The following HNRNPL variants were observed in gnomAD, a reference collection of about 807,000 sequenced individuals.
HNRNPL encodes the protein epididymis secretory sperm binding protein.
HNRNPL carries 12 observed loss-of-function variants against 64.0 expected under a neutral mutation model. The observed-to-expected ratio is 0.19, with a 90% CI of 0.12 to 0.30. The LOEUF (loss-of-function observed/expected upper bound fraction) is 0.30. Among genes scored for constraint, HNRNPL ranks in the 10% least tolerant of loss-of-function variants. HNRNPL has a pLI of 1.00. For synonymous variants in HNRNPL, 385 were observed against 313.0 expected (o/e 1.23, Z -2.43); for missense variants, 484 against 797.4 (o/e 0.61, Z 4.73).
At position 38,849,494 on chromosome 19, in the gene HNRNPL, C is replaced by G. The variant is rs1176017502; in HGVS notation, c.267+206G>C. 4.7e-6 allele frequency: 3 copies of G among 644,686 alleles called. No individual in the cohort carries two copies. The Admixed American group carries it at 1.3e-4, about 28-fold the overall frequency. 39.9% of individuals were successfully genotyped at this position (644,686 alleles called of 1,614,324 possible). A position where few individuals can be genotyped will look rare whatever the true frequency, so the allele number is the denominator to read the frequency against. ...GCTACTTCCTCTGCGCTCCCCCACA[C>G]CCCGCTCCGGACCCCGCGCACGCGC... On this transcript the variant is annotated intron_variant, in intron 1 of 12. Transcript: ENST00000221419.
intron 8 of HNRNPL, 74 bp from the exon 9 acceptor site, chr19:38,839,089 T>C: frequency 1.9e-6 from 3 of 1,581,870 alleles, no homozygotes; most frequent in Non-Finnish European, 2.6e-6. Flanking sequence ...CCCAAGTTAG[T>C]GATAATAACC....
Position 38,836,598 on chromosome 19 carries a change from TAAAAAAAAAAAAAA to T in HNRNPL, c.*110_*123del, listed in dbSNP as rs35433653. 3.8e-4 allele frequency: 52 copies of T among 136,624 alleles called. 1 individual carries two copies. The highest frequency in any genetic ancestry group is 5.1e-4 in the Non-Finnish European group (39 of 76,656). 8.5% of individuals were successfully genotyped at this position (136,624 alleles called of 1,614,324 possible). ...AGTAAGCCTCTACAAACCTAGCATT[TAAAAAAAAAAAAAA>T]AAAAAAAAAAAAGGAATACAAGATC... is the stretch of plus-strand genomic sequence containing the variant. On this transcript the variant is annotated 3_prime_UTR_variant, in exon 13 of 13. Coordinates refer to ENST00000221419, the MANE Select transcript of HNRNPL (RefSeq NM_001533.3).
chr19:38,843,779 A>G (rs1367286738), intron 6 of HNRNPL, 63 bp downstream of exon 6: 1 of 1,299,320 alleles, frequency 7.7e-7, no homozygotes, highest in East Asian at 2.3e-5. Flanking sequence ...CAGGCCTATT[A>G]AGTGCACTAG....
At chr19:38,837,741 C>A in intron 10 of HNRNPL, 90 bp from the exon 11 acceptor site, 1 of 1,131,386 alleles carries the variant, frequency 8.8e-7, no homozygotes, top group Non-Finnish European at 1.3e-6. Flanking sequence ...TGACTCAGTA[C>A]TTGAAGTTTT....
At position 38,838,698 on chromosome 19, in the gene HNRNPL, G is replaced by A. The variant is rs537391515; in HGVS notation, c.1356-100C>T. On this transcript the variant is annotated intron_variant, in intron 9 of 12. Coordinates refer to ENST00000221419, the MANE Select transcript of HNRNPL (RefSeq NM_001533.3). Reference sequence around the variant, plus strand: ...GGCTTAGCTTGCCCTGTGTGCCTTGGGGCATTGCTCTACACCTGAGGCAAG... The same window carrying A: ...GGCTTAGCTTGCCCTGTGTGCCTTGAGGCATTGCTCTACACCTGAGGCAAG... 18 of 1,366,510 alleles carry A rather than the reference G, an allele frequency of 1.3e-5. No homozygotes were observed. The African/African-American group carries it at 1.9e-4, about 14-fold the overall frequency. The allele number at this position is 1,366,510 out of a possible 1,614,324, so 84.6% of individuals were successfully genotyped here.
upstream of HNRNPL, chr19:38,851,002 AGG>A (rs1327086379): frequency 6.6e-6 from 1 of 152,398 alleles, no homozygotes; most frequent in African/African-American, 2.4e-5. Flanking sequence ...CTAAATTAAC[AGG>A]TCCCTGCCAT....
Position 38,836,721 on chromosome 19 carries a change from A to G in HNRNPL, c.*1T>C, listed in dbSNP as rs749444388. On this transcript the variant is annotated 3_prime_UTR_variant, in exon 13 of 13. Coordinates refer to ENST00000221419, the MANE Select transcript of HNRNPL (RefSeq NM_001533.3). Reference sequence around the variant, plus strand: ...AGATGGGACTCTTCCTAGGCACCTAATTAGGAGGCGTGCTGAGCAGTGGAG... The same window carrying G: ...AGATGGGACTCTTCCTAGGCACCTAGTTAGGAGGCGTGCTGAGCAGTGGAG... The G allele has an allele frequency of 6.2e-7, 1 of 1,606,548 alleles. No individual in the cohort carries two copies.
At chr19:38,841,699 TAC>T (rs777949263) in intron 6 of HNRNPL, 24 of 1,220,242 alleles carry the variant, frequency 2.0e-5, no homozygotes, top group East Asian at 5.6e-5. Flanking sequence ...CACATGGTTT[TAC>T]AGTCATAAAT....
intron 12 of HNRNPL, chr19:38,837,181 G>C (rs1971956554): frequency 3.4e-6 from 2 of 594,978 alleles, no homozygotes; most frequent in Non-Finnish European, 6.0e-6. Context: ...AGCTGGCAGA[G>C]TGAGTGGCAG....
intron 10 of HNRNPL, 84 bp from the exon 11 acceptor site, chr19:38,837,735 T>C: frequency 2.5e-6 from 3 of 1,192,014 alleles, no homozygotes; most frequent in Non-Finnish European, 3.7e-6. Context: ...CCTGCATGAC[T>C]CAGTACTTGA....
intron 1 of HNRNPL, among the ~76,000 whole-genome samples, chr19:38,849,056 G>A (rs1972404038): frequency 6.6e-6 from 1 of 152,162 alleles, no homozygotes; most frequent in Admixed American, 6.5e-5. Flanking sequence ...TCAAATCCTC[G>A]GTACCCAGTG....
intron 6 of HNRNPL, chr19:38,841,630 G>C: frequency 7.8e-7 from 1 of 1,281,066 alleles, no homozygotes; most frequent in East Asian, 5.6e-5. Context: ...CGCTTCAACA[G>C]TGAGTTAGCA....
rs1054287486 is a variant in HNRNPL at position 38,840,423 on chromosome 19, C to T, written c.953-47G>A. 1.7e-5 allele frequency: 26 copies of T among 1,551,218 alleles called. No homozygotes were observed. The Admixed American group carries it at 3.2e-4, about 19-fold the overall frequency. On this transcript the variant is annotated intron_variant, in intron 7 of 12. Transcript: ENST00000221419. Reference sequence around the variant, plus strand: ...GAGGGAGGACGGGTGAGAATTTGCACGGCGGGCGGCGGGCAGGGGCACATG... The same window carrying T: ...GAGGGAGGACGGGTGAGAATTTGCATGGCGGGCGGCGGGCAGGGGCACATG...
In HNRNPL at chr19:38,841,127, C is replaced by T. The variant is rs986501251; in HGVS notation, c.881-568G>A. ...TGACTGTAGCTGACAAGCAGGGCAA[C>T]AGCAGAATCAGTTCAAATAAGCAAT... is the stretch of plus-strand genomic sequence containing the variant. On this transcript the variant is annotated intron_variant, in intron 6 of 12. Transcript: ENST00000221419. The T allele has an allele frequency of 1.4e-5, 3 of 210,736 alleles. No homozygotes were observed. In the Admixed American group the frequency reaches 1.6e-4, roughly 11 times the overall value. 13.1% of individuals were successfully genotyped at this position (210,736 alleles called of 1,614,324 possible). A position where few individuals can be genotyped will look rare whatever the true frequency, so the allele number is the denominator to read the frequency against.
At position 38,845,670 on chromosome 19, in the gene HNRNPL, A is replaced by G. The variant is rs932023342; in HGVS notation, c.690T>C (p.Asn230=). Residue 230 remains asparagine, a synonymous_variant, in exon 4 of 13, where the codon AAT becomes AAC. Transcript: ENST00000221419. ...GATATTCCACCATCGCCTGAACTCCATTCTTCCTGAAAATGACAATTCTCT... is the reference window on the plus strand; with the variant it reads ...GATATTCCACCATCGCCTGAACTCCGTTCTTCCTGAAAATGACAATTCTCT... ...PVQRIVIFRK[N]GVQAMVEFDS... 3 of 1,613,666 alleles carry G rather than the reference A, an allele frequency of 1.9e-6. No individual in the cohort carries two copies. The highest frequency in any genetic ancestry group is 2.5e-6 in the Non-Finnish European group (3 of 1,179,586).
In HNRNPL at chr19:38,846,065, T is replaced by G; in HGVS notation, c.412A>C (p.Arg138=). The change falls in exon 3 of 13, where the codon AGA becomes CGA. Residue 138 remains arginine (R), a synonymous_variant. Transcript: ENST00000221419. Reference sequence around the variant, plus strand: ...TCTTCAAACTCCACCAGTGCTTGTCTCTTTTTAGGCATTACCACCACATAG... The same window carrying G: ...TCTTCAAACTCCACCAGTGCTTGTCGCTTTTTAGGCATTACCACCACATAG... ...ISYVVVMPKK[R]QALVEFEDVL... The G allele has an allele frequency of 3.1e-6, 5 of 1,614,024 alleles. No homozygotes were observed. The highest frequency in any genetic ancestry group is 4.2e-6 in the Non-Finnish European group (5 of 1,179,882).
chr19:38,850,834 C>T (rs1972485919), upstream of HNRNPL, among the ~76,000 whole-genome samples: 2 of 152,348 alleles, frequency 1.3e-5, no homozygotes, highest in South Asian at 4.1e-4. Context: ...TCTTCGGACC[C>T]TGTCCAGTTC....
At chr19:38,837,085 AAC>A (rs1338880092) in intron 12 of HNRNPL, 4 of 548,888 alleles carry the variant, frequency 7.3e-6, no homozygotes, top group Non-Finnish European at 1.3e-5. Context: ...TTTCCTAGGT[AAC>A]AGAGTGGCTT....
At chr19:38,851,283 C>T (rs567173553), upstream of HNRNPL, 1 of 152,384 alleles carries the variant, frequency 6.6e-6, no homozygotes, top group South Asian at 2.1e-4. Flanking sequence ...AGGGTATCTC[C>T]AGACTCCGGC....
Sources: gnomAD v4.1 joint callset for allele counts (sites outside exome capture counted in the v4.1 genomes callset) on GRCh38, gnomAD v4.1.1 for gene constraint, MANE v1.5 for transcripts, NCBI Gene and HGNC (gene_info 2026-07-23, HGNC 2026-07-21) for gene names.